The following SNX24 variants were observed in gnomAD, a reference collection of about 807,000 sequenced individuals.
SNX24 encodes the protein sorting nexin-24.
In SNX24, 22 loss-of-function variants were observed where a neutral mutation model predicts 28.7. That is an observed-to-expected ratio of 0.77 (90% confidence interval 0.55 to 1.10). The LOEUF is 1.10. Ranked by LOEUF, SNX24 falls within the 50% of genes least tolerant of loss-of-function variation. SNX24 has a pLI of 0.00. For synonymous variants in SNX24, 69 were observed against 71.5 expected (o/e 0.96, Z 0.18); for missense variants, 221 against 201.1 (o/e 1.10, Z -0.60).
intron 3 of SNX24, among the ~76,000 whole-genome samples, chr5:122,956,359 A>AT (rs202050196): frequency 0.035 from 4,082 of 117,068 alleles, 101 homozygotes; most frequent in Non-Finnish European, 0.043. Context: ...TGGGAAAAAA[A>AT]AAATATATAC....
intron 2 of SNX24, among the ~76,000 whole-genome samples, chr5:122,945,410 A>G (rs944935215): frequency 3.3e-5 from 5 of 152,234 alleles, no homozygotes; most frequent in African/African-American, 1.2e-4. Flanking sequence ...CCTACCACAG[A>G]CAGCTCTAAT....
chr5:122,851,297 T>G (rs1754907476), intron 1 of SNX24, among the ~76,000 whole-genome samples: 1 of 152,134 alleles, frequency 6.6e-6, no homozygotes. Context: ...CCCAAGTAGC[T>G]GGGCCTATAG....
At chr5:123,002,049 C>T in intron 6 of SNX24, 45 bp downstream of exon 6, 4 of 1,476,680 alleles carry the variant, frequency 2.7e-6, no homozygotes, top group Non-Finnish European at 3.8e-6. Context: ...CTGATCTGAC[C>T]CTGCACCACA....
intron 1 of SNX24, among the ~76,000 whole-genome samples, chr5:122,887,287 A>G (rs1449247824): frequency 6.6e-6 from 1 of 152,180 alleles, no homozygotes; most frequent in Non-Finnish European, 1.5e-5. Context: ...TGTTGCTGGT[A>G]AGAAGTCTGC....
At chr5:122,929,551 A>T (rs1758856110) in intron 1 of SNX24, among the ~76,000 whole-genome samples, 2 of 152,102 alleles carry the variant, frequency 1.3e-5, no homozygotes, top group South Asian at 4.2e-4. Flanking sequence ...TATTCTGTAA[A>T]CTGCACCAAA....
At chr5:123,018,862 T>G (rs1021232109) in intron 5 of SNX24, among the ~76,000 whole-genome samples, 2 of 152,130 alleles carry the variant, frequency 1.3e-5, no homozygotes, top group African/African-American at 4.8e-5. Context: ...AATTTTTGTA[T>G]TTTTAGTAGC....
At position 122,857,018 on chromosome 5, in the gene SNX24, CT is replaced by C. The variant is rs368552176; in HGVS notation, c.60+11335del. ...GTTGTTTTGATTTGCATTTTTCTTT[CT>C]TTTTTTTTTGAGACGGAGTTTCGCT... On this transcript the variant is annotated intron_variant, in intron 1 of 6. Transcript: ENST00000261369. 1.5e-3 allele frequency among the ~76,000 whole-genome samples: 221 copies of C among 148,162 alleles called. 2 individuals are homozygous for C. Among genetic ancestry groups the C allele is most frequent in the African/African-American group, 5.2e-3 (212 of 40,464 alleles).
chr5:122,941,242 C>T (rs759454947), intron 2 of SNX24, among the ~76,000 whole-genome samples: 7 of 152,128 alleles, frequency 4.6e-5, no homozygotes, highest in East Asian at 1.9e-4. Context: ...CCCATGTAAG[C>T]GAATACATTC....
At chr5:122,992,863 TAA>T (rs1252019074) in intron 3 of SNX24, among the ~76,000 whole-genome samples, 1 of 152,210 alleles carries the variant, frequency 6.6e-6, no homozygotes, top group African/African-American at 2.4e-5. Flanking sequence ...ACACAGAATG[TAA>T]GCTTTGATAT....
chr5:122,873,736 TC>T (rs1462875966), intron 1 of SNX24, among the ~76,000 whole-genome samples: 1 of 151,624 alleles, frequency 6.6e-6, no homozygotes, highest in African/African-American at 2.4e-5. Flanking sequence ...ATGCCAGCAC[TC>T]TCTTTCATCT....
intron 3 of SNX24, among the ~76,000 whole-genome samples, chr5:122,983,282 A>G (rs1761465428): frequency 6.6e-6 from 1 of 151,598 alleles, no homozygotes; most frequent in African/African-American, 2.4e-5. Flanking sequence ...TAAATGGAAT[A>G]TAATTTAAAT....
At chr5:122,960,668 A>G (rs1419577047) in intron 3 of SNX24, among the ~76,000 whole-genome samples, 1 of 152,172 alleles carries the variant, frequency 6.6e-6, no homozygotes, top group East Asian at 1.9e-4. Context: ...AGAATTGTAG[A>G]GAAGCCGTAA....
At chr5:122,948,107 T>G (rs1163955032) in intron 3 of SNX24, among the ~76,000 whole-genome samples, 2 of 152,180 alleles carry the variant, frequency 1.3e-5, no homozygotes, top group African/African-American at 4.8e-5. Context: ...CCCCAGGAGT[T>G]TAAGGGAGTT....
chr5:122,940,863 A>G (rs920997366), intron 2 of SNX24, among the ~76,000 whole-genome samples: 9 of 152,186 alleles, frequency 5.9e-5, no homozygotes, highest in Non-Finnish European at 2.9e-5. Context: ...GTGAGCCACT[A>G]CATCCAGCCT....
intron 1 of SNX24, among the ~76,000 whole-genome samples, chr5:122,916,729 C>G (rs1758185108): frequency 6.6e-6 from 1 of 152,188 alleles, no homozygotes; most frequent in Admixed American, 6.5e-5. Flanking sequence ...TCCCAAAATA[C>G]AATCTCTGAC....
chr5:122,864,440 G>T (rs191646619), intron 1 of SNX24, among the ~76,000 whole-genome samples: 68 of 152,326 alleles, frequency 4.5e-4, no homozygotes, highest in African/African-American at 1.6e-3. Flanking sequence ...ATCAAGACAG[G>T]GGAACCGCAA....
intron 5 of SNX24, among the ~76,000 whole-genome samples, chr5:123,015,541 T>C (rs1410607749): frequency 6.6e-6 from 1 of 152,134 alleles, no homozygotes; most frequent in East Asian, 1.9e-4. Flanking sequence ...ACAGTGGTTT[T>C]CAAAGTGTGA....
At chr5:122,845,798 C>G (rs1321437051) in intron 1 of SNX24, 105 bp downstream of exon 1, 13 of 564,188 alleles carry the variant, frequency 2.3e-5, no homozygotes, top group Non-Finnish European at 3.5e-5. Flanking sequence ...GGGGTCCCCT[C>G]GTTTTCTCTC....
chr5:122,931,484 T>C (rs1041398014), intron 1 of SNX24, among the ~76,000 whole-genome samples: 1 of 152,180 alleles, frequency 6.6e-6, no homozygotes, highest in Non-Finnish European at 1.5e-5. Context: ...CTTTTTATAG[T>C]GGAATAACAA....
Sources: allele counts gnomAD v4.1 joint callset (sites outside exome capture counted in the v4.1 genomes callset), GRCh38; gene constraint gnomAD v4.1.1; transcripts MANE v1.5; gene names NCBI Gene and HGNC (gene_info 2026-07-23, HGNC 2026-07-21).